The following COL24A1 variants were observed in gnomAD, a reference collection of about 807,000 sequenced individuals.
COL24A1 encodes the protein collagen type XXIV alpha 1 chain, also known as collagen alpha-1(XXIV) chain.
Under a neutral mutation model 253.9 loss-of-function variants are expected in COL24A1, and 224 were observed. That is an observed-to-expected ratio of 0.88 (90% CI 0.79 to 0.99). The LOEUF is 0.99. Among genes scored for constraint, COL24A1 ranks in the 50% least tolerant of loss-of-function variants. COL24A1 has a pLI of 0.00. For synonymous variants in COL24A1, 685 were observed against 673.7 expected (o/e 1.02, Z -0.26); for missense variants, 2,131 against 2,068.5 (o/e 1.03, Z -0.59).
intron 14 of COL24A1, among the ~76,000 whole-genome samples, chr1:86,025,533 T>C (rs1361565154): frequency 6.6e-6 from 1 of 152,140 alleles, no homozygotes; most frequent in African/African-American, 2.4e-5. Flanking sequence ...AGAAAGCATA[T>C]AACAATGACA....
chr1:86,118,291 C>G (rs1706346847), intron 3 of COL24A1, among the ~76,000 whole-genome samples: 1 of 152,138 alleles, frequency 6.6e-6, no homozygotes, highest in Non-Finnish European at 1.5e-5. Flanking sequence ...TCTCAAACTC[C>G]TGACCTTGTG....
chr1:86,022,889 G>C lies in COL24A1; in HGVS notation c.2104-12C>G. 6.2e-7 allele frequency: 1 copy of C among 1,608,304 alleles called. No individual in the cohort carries two copies. Among genetic ancestry groups the C allele is most frequent in the Non-Finnish European group, 8.5e-7 (1 of 1,176,896 alleles). On this transcript the variant is annotated splice_polypyrimidine_tract_variant and intron_variant, in intron 15 of 59. Coordinates refer to ENST00000370571, the MANE Select transcript of COL24A1 (RefSeq NM_152890.7). ...TTCCCTGAAAGGCCCTACAAAAAAA[G>C]GTGACATTTTGTGATATCATAGACA...
intron 19 of COL24A1, among the ~76,000 whole-genome samples, chr1:85,999,234 G>C (rs1695160096): frequency 6.6e-6 from 1 of 152,164 alleles, no homozygotes; most frequent in South Asian, 2.1e-4. Context: ...GGGAGAGACA[G>C]CTTCAGGCCA....
intron 2 of COL24A1, among the ~76,000 whole-genome samples, chr1:86,140,010 A>G (rs1650842901): frequency 6.6e-6 from 1 of 152,180 alleles, no homozygotes; most frequent in Non-Finnish European, 1.5e-5. Flanking sequence ...AAAATAAACC[A>G]TTTTATTTTA....
chr1:85,975,392 G>A (rs1692568326), intron 20 of COL24A1, among the ~76,000 whole-genome samples: 1 of 152,114 alleles, frequency 6.6e-6, no homozygotes, highest in Non-Finnish European at 1.5e-5. Context: ...ACTGGATAAA[G>A]AAAATGTAGT....
At chr1:85,897,239 TG>T (rs1239815026) in intron 28 of COL24A1, among the ~76,000 whole-genome samples, 2 of 152,002 alleles carry the variant, frequency 1.3e-5, no homozygotes, top group Non-Finnish European at 2.9e-5. Flanking sequence ...CAACACACAC[TG>T]GGGCCTGTCA....
chr1:85,844,712 C>G (rs1676983318), intron 39 of COL24A1, among the ~76,000 whole-genome samples: 1 of 151,832 alleles, frequency 6.6e-6, no homozygotes, highest in Non-Finnish European at 1.5e-5. Context: ...TCAAGTTTCA[C>G]TTACTAAATA....
At chr1:86,059,819 GGA>G (rs1332880519) in intron 8 of COL24A1, among the ~76,000 whole-genome samples, 1 of 152,098 alleles carries the variant, frequency 6.6e-6, no homozygotes, top group African/African-American at 2.4e-5. Flanking sequence ...TAATTAGGTT[GGA>G]GCCCTCATGA....
chr1:85,888,036 G>GT (rs35604219), intron 32 of COL24A1, among the ~76,000 whole-genome samples: 29,891 of 150,674 alleles, frequency 0.2, 3,286 homozygotes, highest in Non-Finnish European at 0.24. Flanking sequence ...ACTTTTCCGT[G>GT]TTTTTTTTTG....
At chr1:86,129,069 T>C (rs1281672519) in intron 2 of COL24A1, among the ~76,000 whole-genome samples, 1 of 151,914 alleles carries the variant, frequency 6.6e-6, no homozygotes, top group Non-Finnish European at 1.5e-5. Flanking sequence ...AAATTGATCA[T>C]GTTGGCTCTT....
At chr1:85,994,556 T>C (rs1694593846) in intron 19 of COL24A1, among the ~76,000 whole-genome samples, 1 of 152,230 alleles carries the variant, frequency 6.6e-6, no homozygotes. Flanking sequence ...ACTCACAAGA[T>C]TTTGTTTTCT....
intron 37 of COL24A1, among the ~76,000 whole-genome samples, chr1:85,854,211 T>C (rs1678150301): frequency 6.6e-6 from 1 of 152,206 alleles, no homozygotes; most frequent in Non-Finnish European, 1.5e-5. Flanking sequence ...CACCATCTAC[T>C]GAATAGGGTA....
At chr1:86,110,832 C>A (rs1705499482) in intron 5 of COL24A1, among the ~76,000 whole-genome samples, 1 of 152,222 alleles carries the variant, frequency 6.6e-6, no homozygotes, top group South Asian at 2.1e-4. Flanking sequence ...GCCCCCCACA[C>A]CCCATGGGCT....
intron 17 of COL24A1, 105 bp from the exon 18 acceptor site, chr1:86,022,398 G>C (rs75357114): frequency 6.5e-6 from 9 of 1,377,318 alleles, no homozygotes; most frequent in Non-Finnish European, 9.2e-6. Context: ...CTAAAATATT[G>C]AGACAAAAGT....
intron 57 of COL24A1, among the ~76,000 whole-genome samples, chr1:85,742,260 T>A (rs1279920817): frequency 6.6e-6 from 1 of 151,672 alleles, no homozygotes; most frequent in Non-Finnish European, 1.5e-5. Context: ...GCCTCCTGAG[T>A]AGCTGGGACT....
intron 51 of COL24A1, among the ~76,000 whole-genome samples, 173 bp from the exon 52 acceptor site, chr1:85,781,446 A>G (rs963910004): frequency 1.3e-5 from 2 of 152,196 alleles, no homozygotes; most frequent in Non-Finnish European, 2.9e-5. Flanking sequence ...AGTATGTGAC[A>G]CAATTCTGCA....
At chr1:85,862,842 C>T (rs1485369187) in intron 37 of COL24A1, among the ~76,000 whole-genome samples, 1 of 152,120 alleles carries the variant, frequency 6.6e-6, no homozygotes, top group East Asian at 1.9e-4. Flanking sequence ...ACAAGAAACA[C>T]TTCTGTGAAG....
At position 85,826,813 on chromosome 1, in the gene COL24A1, A is replaced by C. The variant is rs559505311; in HGVS notation, c.3682-3075T>G. 1.1e-4 allele frequency among the ~76,000 whole-genome samples: 16 copies of C among 152,272 alleles called. No homozygotes were observed. In the East Asian group the frequency reaches 3.1e-3, roughly 29 times the overall value. On this transcript the variant is annotated intron_variant, in intron 43 of 59. Coordinates refer to ENST00000370571, the MANE Select transcript of COL24A1 (RefSeq NM_152890.7). ...TTTGCTGAAGTTGCTTATCAGCTTAAGGAGATTTTGGGCTGAGACAATGGA... is the reference window on the plus strand; with the variant it reads ...TTTGCTGAAGTTGCTTATCAGCTTACGGAGATTTTGGGCTGAGACAATGGA...
At chr1:85,995,570 G>A (rs922985647) in intron 19 of COL24A1, among the ~76,000 whole-genome samples, 2 of 152,192 alleles carry the variant, frequency 1.3e-5, no homozygotes, top group African/African-American at 4.8e-5. Flanking sequence ...ATCCCCCCAT[G>A]GTACCCTGAG....
Sources: gnomAD v4.1 joint callset for allele counts (sites outside exome capture counted in the v4.1 genomes callset) on GRCh38, gnomAD v4.1.1 for gene constraint, MANE v1.5 for transcripts, NCBI Gene and HGNC (gene_info 2026-07-23, HGNC 2026-07-21) for gene names.